Variants in VPS13C observed in about 807,000 individuals in gnomAD.
The protein encoded by VPS13C is intermembrane lipid transfer protein VPS13C.
A neutral mutation model predicts 456.8 loss-of-function variants in VPS13C; 358 were observed. That is an observed-to-expected ratio of 0.78 (90% CI 0.72 to 0.86). The LOEUF (loss-of-function observed/expected upper bound fraction) is 0.86. Among genes scored for constraint, VPS13C ranks in the 40% least tolerant of loss-of-function variants. The probability of loss-of-function intolerance (pLI) is 0.00; values close to 1 mark genes in which losing one functional copy is unlikely to be tolerated. For synonymous variants in VPS13C, 1,578 were observed against 1,486.7 expected, an observed-to-expected ratio of 1.06 and a Z score of -1.41; for missense variants, 4,818 against 4,385.4, an observed-to-expected ratio of 1.10 and a Z score of -2.79.
At chr15:61,993,934 T>C (rs1392738743) in intron 16 of VPS13C, among the ~76,000 whole-genome samples, 4 of 152,248 alleles carry the variant, frequency 2.6e-5, no homozygotes, top group African/African-American at 4.8e-5. Flanking sequence ...TTGCTACTTA[T>C]TGTAAACCTA....
chr15:61,916,693 T>C (rs940011614), intron 60 of VPS13C, among the ~76,000 whole-genome samples: 1 of 152,092 alleles, frequency 6.6e-6, no homozygotes, highest in African/African-American at 2.4e-5. Context: ...GATTTTCATA[T>C]TTTAAAATAT....
Position 61,958,733 on chromosome 15 carries a change from TA to T in VPS13C, c.4057-18del, listed in dbSNP as rs372770079. 2,169 of 1,216,336 alleles carry T rather than the reference TA, an allele frequency of 1.8e-3. No homozygotes were observed. Among genetic ancestry groups the T allele is most frequent in the Middle Eastern group, 2.6e-3 (12 of 4,540 alleles). 75.3% of individuals were successfully genotyped at this position (1,216,336 alleles called of 1,614,324 possible). On this transcript the variant is annotated intron_variant, in intron 36 of 84. Transcript: ENST00000644861. ...TAGACTAACCTGTAAAATATTATGT[TA>T]AAAAAAAAACTATATTACGTTTTAA...
chr15:61,991,632 A>C (rs751526166), intron 17 of VPS13C, 41 bp downstream of exon 17: 6 of 1,537,986 alleles, frequency 3.9e-6, no homozygotes, highest in Admixed American at 2.1e-5. Context: ...GTTTTTTTTT[A>C]ACTTAACACT....
chr15:61,878,671 A>AGCACCT lies in VPS13C; in HGVS notation c.10077_10078insAGGTGC (p.His3359_Ser3360insArgCys), dbSNP rs781090234. ...ATGCTTTTCAACAGCAAGTTGACAG[A>AGCACCT]ATGAACTGCAAACATTTCCTGTTTT... On this transcript the variant is annotated inframe_insertion, in exon 74 of 85. Transcript: ENST00000644861. 2 of 1,611,942 alleles carry AGCACCT rather than the reference A, an allele frequency of 1.2e-6. No individual in the cohort carries two copies. Among genetic ancestry groups the AGCACCT allele is most frequent in the Non-Finnish European group, 1.7e-6 (2 of 1,178,918 alleles).
intron 1 of VPS13C, among the ~76,000 whole-genome samples, chr15:62,049,451 C>T (rs1596535897): frequency 6.6e-6 from 1 of 152,074 alleles, no homozygotes; most frequent in Non-Finnish European, 1.5e-5. Flanking sequence ...CTGTTCTGTT[C>T]CATTATCTAT....
chr15:61,951,931 T>G lies in VPS13C; in HGVS notation c.4349A>C (p.His1450Pro). The part of the protein sequence containing the change: ...KKSEKKGRPL[H>P]ELNVLQLGME... ...TCCAAGTTGCAGGACATTTAGCTCA[T>G]GTAAAGGCCTTCCTTTCTTTTCTGA... The change falls in exon 39 of 85, where the codon CAT (histidine) becomes CCT (proline). Residue 1450 changes from histidine to proline, a missense_variant. His to Pro is a moderately conservative substitution (Grantham distance 77). This residue lies in a region of VPS13C where 4,552 missense variants were observed against 4,130.6 expected (regional missense o/e 1.10). Transcript: ENST00000644861. 1 of 1,613,896 alleles carries G rather than the reference T, an allele frequency of 6.2e-7. No individual in the cohort carries two copies. The highest frequency in any genetic ancestry group is 8.5e-7 in the Non-Finnish European group (1 of 1,179,868).
intron 66 of VPS13C, among the ~76,000 whole-genome samples, chr15:61,896,911 G>A (rs1390954079): frequency 6.6e-6 from 1 of 152,176 alleles, no homozygotes; most frequent in East Asian, 1.9e-4. Flanking sequence ...ATCTGAGAAG[G>A]GGCAGACTGC....
intron 63 of VPS13C, among the ~76,000 whole-genome samples, chr15:61,911,110 A>C (rs1029261291): frequency 3.9e-5 from 6 of 152,142 alleles, no homozygotes; most frequent in Admixed American, 6.5e-5. Context: ...AAACAGCAGA[A>C]AGTGACCTTC....
chr15:61,991,663 T>C lies in VPS13C; in HGVS notation c.1483+10A>G, dbSNP rs780446465. 2 of 1,610,828 alleles carry C rather than the reference T, an allele frequency of 1.2e-6. No individual in the cohort carries two copies. Among genetic ancestry groups the C allele is most frequent in the Middle Eastern group, 1.6e-4 (1 of 6,068 alleles). ...ACACTGTACAATAAGTTATTTGACT[T>C]GGAACTTACTTTCAGGAATCAATGA... On this transcript the variant is annotated intron_variant, in intron 17 of 84. Transcript: ENST00000644861.
intron 32 of VPS13C, 94 bp downstream of exon 32, chr15:61,963,741 G>T (rs1312967788): frequency 5.8e-6 from 5 of 865,286 alleles, no homozygotes; most frequent in Non-Finnish European, 9.4e-6. Context: ...ACAGCTTAGA[G>T]CCCTTTATTT....
chr15:62,039,472 T>C (rs2048170800), intron 3 of VPS13C, among the ~76,000 whole-genome samples: 1 of 151,278 alleles, frequency 6.6e-6, no homozygotes, highest in Non-Finnish European at 1.5e-5. Flanking sequence ...GATAAGGAAT[T>C]AACAACCAGA....
At chr15:62,037,237 AAT>A (rs1188288469) in intron 3 of VPS13C, among the ~76,000 whole-genome samples, 58 of 53,898 alleles carry the variant, frequency 1.1e-3, no homozygotes, top group African/African-American at 4.2e-3. Context: ...ATTATATATA[AAT>A]ATATATAATA....
At chr15:61,878,886 T>G in intron 73 of VPS13C, 140 bp from the exon 74 acceptor site, 1 of 842,786 alleles carries the variant, frequency 1.2e-6, no homozygotes, top group Non-Finnish European at 1.8e-6. Flanking sequence ...TACCACACAT[T>G]ATAGCAGAAC....
Position 61,853,144 on chromosome 15 carries a change from C to G in VPS13C, c.*1313G>C, listed in dbSNP as rs546038730. On this transcript the variant is annotated 3_prime_UTR_variant, in exon 85 of 85. Coordinates refer to ENST00000644861, the MANE Select transcript of VPS13C (RefSeq NM_020821.3). ...AAATACTGTCCTGAATTGATTCTCA[C>G]AGGGCCTGCTCCCTCACAGAACACA... 2 of 152,284 alleles carry G rather than the reference C, an allele frequency of 1.3e-5. No individual in the cohort carries two copies. The highest frequency in any genetic ancestry group is 4.8e-5 in the African/African-American group (2 of 41,574). 9.4% of individuals were successfully genotyped at this position (152,284 alleles called of 1,614,324 possible).
chr15:61,927,580 T>A (rs542594020), intron 51 of VPS13C, among the ~76,000 whole-genome samples: 1 of 152,320 alleles, frequency 6.6e-6, no homozygotes, highest in African/African-American at 2.4e-5. Flanking sequence ...TGTTTTACAC[T>A]TTTACACTGT....
chr15:61,983,421 T>A (rs184584847), intron 20 of VPS13C, among the ~76,000 whole-genome samples: 3 of 152,300 alleles, frequency 2.0e-5, no homozygotes, highest in Admixed American at 2.0e-4. Flanking sequence ...TTGTGAACAA[T>A]ATTTAAAATT....
intron 5 of VPS13C, among the ~76,000 whole-genome samples, chr15:62,029,953 A>G (rs2414756): frequency 0.53 from 81,016 of 151,830 alleles, 21,861 homozygotes; most frequent in Admixed American, 0.62. Flanking sequence ...AACTAAGGAA[A>G]CAAAAAAGGC....
chr15:61,945,885 A>G lies in VPS13C; in HGVS notation c.4981-3T>C, dbSNP rs2140273490. ...TCATCTCCCAAAATAGAGACAGCCT[A>G]AAAGTATTAGATTAACTGGTTATTA... On this transcript the variant is annotated splice_polypyrimidine_tract_variant and splice_region_variant and intron_variant, in intron 44 of 84. Transcript: ENST00000644861. 2 of 1,599,436 alleles carry G rather than the reference A, an allele frequency of 1.3e-6. No homozygotes were observed. Among genetic ancestry groups the G allele is most frequent in the East Asian group, 2.2e-5 (1 of 44,730 alleles).
Position 61,925,556 on chromosome 15 carries a change from CAG to C in VPS13C, c.6517-10_6517-9del. ...AGAACAGGGCTGCAAGACCTATAAA[CAG>C]ATAAATGAAATTCACATTTCCATAG... On this transcript the variant is annotated splice_polypyrimidine_tract_variant and intron_variant, in intron 52 of 84. Coordinates refer to ENST00000644861, the MANE Select transcript of VPS13C (RefSeq NM_020821.3). 1 of 1,565,884 alleles carries C rather than the reference CAG, an allele frequency of 6.4e-7. No homozygotes were observed. Among genetic ancestry groups the C allele is most frequent in the South Asian group, 1.2e-5 (1 of 83,092 alleles).
Sources: gnomAD v4.1 joint callset for allele counts (sites outside exome capture counted in the v4.1 genomes callset) on GRCh38, gnomAD v4.1.1 for gene constraint, gnomAD v4.1.1 regional missense constraint, MANE v1.5 for transcripts, NCBI Gene and HGNC (gene_info 2026-07-23, HGNC 2026-07-21) for gene names.